OPCML: variants seen among roughly 807,000 people sequenced by gnomAD.
OPCML encodes opioid-binding protein/cell adhesion molecule.
OPCML carries 13 observed loss-of-function variants against 37.8 expected under a neutral mutation model. That is an observed-to-expected ratio of 0.34 (90% confidence interval 0.22 to 0.55). The LOEUF (loss-of-function observed/expected upper bound fraction) is 0.55. OPCML is among the 20% of genes least tolerant of loss of function. OPCML has a pLI of 0.91. For missense variants in OPCML, 341 were observed against 435.6 expected (o/e 0.78, Z 1.93); for synonymous variants, 176 against 168.8 (o/e 1.04, Z -0.33).
At chr11:133,048,702 T>C (rs1310730792) in intron 1 of OPCML, among the ~76,000 whole-genome samples, 1 of 152,168 alleles carries the variant, frequency 6.6e-6, no homozygotes, top group East Asian at 1.9e-4. Flanking sequence ...CAGTACTAGA[T>C]AGAGCTGATA....
chr11:132,478,846 A>C (rs2096166917), intron 4 of OPCML, among the ~76,000 whole-genome samples: 1 of 152,162 alleles, frequency 6.6e-6, no homozygotes, highest in Non-Finnish European at 1.5e-5. Flanking sequence ...GAAGAAGCAA[A>C]ACGTATGCTG....
chr11:133,334,265 G>T (rs552853722), intron 1 of OPCML, among the ~76,000 whole-genome samples: 1 of 152,070 alleles, frequency 6.6e-6, no homozygotes, highest in African/African-American at 2.4e-5. Context: ...TGACAGATAC[G>T]GATAAAGAAA....
intron 2 of OPCML, among the ~76,000 whole-genome samples, chr11:132,814,654 A>C (rs779955968): frequency 6.6e-6 from 1 of 152,334 alleles, no homozygotes; most frequent in Middle Eastern, 3.4e-3. Context: ...AGACACTTTC[A>C]CAGACCCACT....
intron 1 of OPCML, among the ~76,000 whole-genome samples, chr11:133,083,793 G>A (rs1011428272): frequency 9.9e-5 from 15 of 152,242 alleles, no homozygotes; most frequent in African/African-American, 3.6e-4. Flanking sequence ...CATGGGCTGT[G>A]AGCGCGAGGA....
intron 1 of OPCML, among the ~76,000 whole-genome samples, chr11:133,509,494 A>G (rs1277112559): frequency 1.3e-5 from 2 of 152,148 alleles, no homozygotes; most frequent in Non-Finnish European, 1.5e-5. Context: ...GGTTTATTCC[A>G]TGTCTTTGCT....
intron 1 of OPCML, among the ~76,000 whole-genome samples, chr11:132,979,420 C>T (rs1374748185): frequency 1.3e-5 from 2 of 152,202 alleles, no homozygotes; most frequent in East Asian, 3.9e-4. Context: ...ACAGCCTGCT[C>T]ACACTCCTGC....
intron 1 of OPCML, among the ~76,000 whole-genome samples, chr11:133,096,611 C>T (rs533538929): frequency 5.3e-5 from 8 of 152,004 alleles, no homozygotes; most frequent in African/African-American, 1.7e-4. Context: ...AAAAACAAAA[C>T]TCAACTATAT....
chr11:132,514,875 T>G (rs2096276414), intron 4 of OPCML, among the ~76,000 whole-genome samples: 1 of 152,046 alleles, frequency 6.6e-6, no homozygotes, highest in African/African-American at 2.4e-5. Context: ...CAAAAGTGGC[T>G]CAGATCTTCA....
chr11:132,575,954 T>C (rs1263288524), intron 3 of OPCML, among the ~76,000 whole-genome samples: 2 of 152,226 alleles, frequency 1.3e-5, no homozygotes, highest in African/African-American at 4.8e-5. Flanking sequence ...TTTTTCCCTC[T>C]TCCATTCCCT....
chr11:133,215,746 G>A (rs1235927937), intron 1 of OPCML, among the ~76,000 whole-genome samples: 1 of 152,094 alleles, frequency 6.6e-6, no homozygotes. Context: ...GTACAAGTGT[G>A]GGAAGGGAAG....
chr11:133,044,892 A>T (rs764389506), intron 1 of OPCML, among the ~76,000 whole-genome samples: 2 of 151,888 alleles, frequency 1.3e-5, no homozygotes, highest in Non-Finnish European at 2.9e-5. Context: ...CCCAGAAACC[A>T]CTCTCTCATT....
chr11:133,391,722 AT>A (rs1437781273), intron 1 of OPCML, among the ~76,000 whole-genome samples: 6 of 152,244 alleles, frequency 3.9e-5, no homozygotes, highest in African/African-American at 1.4e-4. Flanking sequence ...TATTAATAAT[AT>A]TAAAAATTAC....
At chr11:132,856,840 C>A (rs1942076219) in intron 2 of OPCML, among the ~76,000 whole-genome samples, 1 of 152,184 alleles carries the variant, frequency 6.6e-6, no homozygotes, top group Non-Finnish European at 1.5e-5. Flanking sequence ...ATAGAAAAGC[C>A]CAAGTCAAAG....
intron 1 of OPCML, among the ~76,000 whole-genome samples, chr11:133,450,512 G>A (rs1379163783): frequency 6.6e-6 from 1 of 151,254 alleles, no homozygotes; most frequent in Non-Finnish European, 1.5e-5. Context: ...AAAACTCTTG[G>A]AATACTCAGT....
At chr11:132,985,409 T>G (rs73586477) in intron 1 of OPCML, among the ~76,000 whole-genome samples, 3,524 of 152,234 alleles carry the variant, frequency 0.023, 105 homozygotes, top group African/African-American at 0.077. Flanking sequence ...GTAAGTCACC[T>G]TTCTCAGTTT....
chr11:133,081,715 G>A (rs1464625010), intron 1 of OPCML, among the ~76,000 whole-genome samples: 5 of 152,244 alleles, frequency 3.3e-5, no homozygotes, highest in South Asian at 4.2e-4. Flanking sequence ...GAGGCTTTGT[G>A]GGGTACATCA....
intron 1 of OPCML, among the ~76,000 whole-genome samples, chr11:133,014,320 T>C (rs1947277535): frequency 6.6e-6 from 1 of 151,638 alleles, no homozygotes; most frequent in Non-Finnish European, 1.5e-5. Context: ...AGCTGCTTGT[T>C]TTTTTTTTCC....
intron 1 of OPCML, among the ~76,000 whole-genome samples, chr11:133,347,422 G>T (rs1944028587): frequency 6.6e-6 from 1 of 152,304 alleles, no homozygotes; most frequent in Non-Finnish European, 1.5e-5. Flanking sequence ...AAGCCAGCAG[G>T]ACTCCAAATT....
intron 7 of OPCML, among the ~76,000 whole-genome samples, chr11:132,423,147 T>A (rs2095965864): frequency 6.6e-6 from 1 of 152,088 alleles, no homozygotes; most frequent in Non-Finnish European, 1.5e-5. Context: ...CAGAATTCCA[T>A]CTCCCCTGAG....
Sources: gnomAD v4.1 joint callset for allele counts (sites outside exome capture counted in the v4.1 genomes callset) on GRCh38, gnomAD v4.1.1 for gene constraint, MANE v1.5 for transcripts, NCBI Gene and HGNC (gene_info 2026-07-23, HGNC 2026-07-21) for gene names.